The following CACNA1E variants were observed in gnomAD, a reference collection of about 807,000 sequenced individuals.
CACNA1E encodes calcium voltage-gated channel subunit alpha1 E.
A neutral mutation model predicts 259.2 loss-of-function variants in CACNA1E; 40 were observed. The observed-to-expected ratio is 0.15, with a 90% confidence interval of 0.12 to 0.20. The LOEUF (loss-of-function observed/expected upper bound fraction) is 0.20. CACNA1E is among the 10% of genes least tolerant of loss of function. CACNA1E has a pLI of 1.00. For synonymous variants in CACNA1E, 1,104 were observed against 1,138.5 expected (o/e 0.97, Z 0.61); for missense variants, 1,874 against 3,040.1 (o/e 0.62, Z 9.02).
chr1:181,373,376 C>G (rs1354261559), intron 1 of CACNA1E, among the ~76,000 whole-genome samples: 4 of 151,964 alleles, frequency 2.6e-5, no homozygotes, highest in Non-Finnish European at 5.9e-5. Flanking sequence ...TTGTATGTTT[C>G]CAGGAATTCA....
At chr1:181,711,174 A>G in intron 8 of CACNA1E, 105 bp downstream of exon 8, 1 of 762,506 alleles carries the variant, frequency 1.3e-6, no homozygotes, top group East Asian at 2.6e-5. Flanking sequence ...AGACAAGACA[A>G]GAGAGACACT....
chr1:181,579,676 A>C (rs1201345937), intron 5 of CACNA1E, among the ~76,000 whole-genome samples: 1 of 152,174 alleles, frequency 6.6e-6, no homozygotes, highest in East Asian at 1.9e-4. Flanking sequence ...AACCTCTCTG[A>C]ATATCTGAAT....
intron 20 of CACNA1E, 84 bp from the exon 21 acceptor site, chr1:181,733,353 T>G: frequency 8.0e-7 from 1 of 1,242,942 alleles, no homozygotes; most frequent in Non-Finnish European, 1.1e-6. Context: ...TGCCTGAGCT[T>G]CCCCGCCTTC....
intron 45 of CACNA1E, among the ~76,000 whole-genome samples, chr1:181,794,451 A>C (rs1008217999): frequency 6.6e-6 from 1 of 152,134 alleles, no homozygotes; most frequent in African/African-American, 2.4e-5. Flanking sequence ...TTTAAAAAAA[A>C]AAAAGCAAAG....
chr1:181,469,040 C>A (rs918485649), intron 2 of CACNA1E, among the ~76,000 whole-genome samples: 2 of 152,064 alleles, frequency 1.3e-5, no homozygotes, highest in East Asian at 1.9e-4. Context: ...TCAACAACAA[C>A]AAAAAATTTA....
intron 2 of CACNA1E, among the ~76,000 whole-genome samples, chr1:181,452,501 G>A (rs978445992): frequency 6.6e-6 from 1 of 152,160 alleles, no homozygotes; most frequent in African/African-American, 2.4e-5. Context: ...TGGGCTTGCA[G>A]GTGATGGGGA....
At chr1:181,672,634 T>C (rs898840678) in intron 7 of CACNA1E, among the ~76,000 whole-genome samples, 7 of 152,194 alleles carry the variant, frequency 4.6e-5, no homozygotes, top group African/African-American at 1.7e-4. Flanking sequence ...AGGAAGGTCT[T>C]CCTTCAGTCA....
chr1:181,679,075 G>A lies in CACNA1E; in HGVS notation c.1055+27634G>A, dbSNP rs116706591. On this transcript the variant is annotated intron_variant, in intron 7 of 47. Coordinates refer to ENST00000367573, the MANE Select transcript of CACNA1E (RefSeq NM_001205293.3). ...CATGACGCACTTACTGGCACCTAAG[G>A]ATGACAGAGTCCCAGGAGAGAGGTA... Among the ~76,000 whole-genome samples, 393 of 152,302 alleles carry A rather than the reference G, an allele frequency of 2.6e-3. 1 individual carries two copies. Among genetic ancestry groups the A allele is most frequent in the African/African-American group, 8.9e-3 (370 of 41,558 alleles).
Position 181,758,129 on chromosome 1 carries a change from C to T in CACNA1E, c.4494+18C>T, listed in dbSNP as rs903043721. On this transcript the variant is annotated intron_variant, in intron 31 of 47. Coordinates refer to ENST00000367573, the MANE Select transcript of CACNA1E (RefSeq NM_001205293.3). The surrounding 1 kb of genome is among the most constrained non-coding windows in gnomAD (Gnocchi z 4.2). ...TGATGAAGGTGAGAGGAGAGAGGCA[C>T]AAGAGCCGACTGAGCCCCAGCGATG... 6.2e-7 allele frequency: 1 copy of T among 1,609,962 alleles called. No homozygotes were observed. The highest frequency in any genetic ancestry group is 8.5e-7 in the Non-Finnish European group (1 of 1,177,658).
intron 1 of CACNA1E, among the ~76,000 whole-genome samples, chr1:181,371,397 G>A (rs1193461983): frequency 6.6e-6 from 1 of 152,098 alleles, no homozygotes; most frequent in Non-Finnish European, 1.5e-5. Context: ...GAACAGCTGG[G>A]ACTACAGGCA....
chr1:181,399,250 A>G (rs954703696), intron 1 of CACNA1E, among the ~76,000 whole-genome samples: 3 of 140,576 alleles, frequency 2.1e-5, no homozygotes, highest in Non-Finnish European at 3.0e-5. Context: ...AGGTAGAAGG[A>G]AAAAAAAAAA....
In CACNA1E at chr1:181,793,739, G is replaced by C. The variant is rs772249008; in HGVS notation, c.5973G>C (p.Glu1991Asp). Residue 1991 changes from glutamate to aspartate, a missense_variant, in exon 45 of 48, where the codon GAG becomes GAC. Glu to Asp is a conservative substitution (Grantham distance 45). Transcript: ENST00000367573. ...TCTACCTTCCTTCGGACACCCAGGA[G>C]CATGCGGGATCTGGGAGGGCATCTT... ...HGIYLPSDTQEHAGSGRASSM... is the reference protein window; with the variant it reads ...HGIYLPSDTQDHAGSGRASSM... 19 of 1,611,596 alleles carry C rather than the reference G, an allele frequency of 1.2e-5. No individual in the cohort carries two copies. In the Admixed American group the frequency reaches 2.5e-4, roughly 21 times the overall value.
At chr1:181,342,638 T>C (rs1358586288) in intron 1 of CACNA1E, among the ~76,000 whole-genome samples, 1 of 152,140 alleles carries the variant, frequency 6.6e-6, no homozygotes, top group Non-Finnish European at 1.5e-5. Context: ...AAACCCAGAC[T>C]AGAGCTTTTA....
At chr1:181,541,705 T>C (rs1668597737) in intron 3 of CACNA1E, among the ~76,000 whole-genome samples, 1 of 152,196 alleles carries the variant, frequency 6.6e-6, no homozygotes, top group South Asian at 2.1e-4. Flanking sequence ...CAAAGACTCG[T>C]CTTTTTGAGT....
chr1:181,318,666 G>C (rs796560799), intron 1 of CACNA1E, among the ~76,000 whole-genome samples: 1 of 152,214 alleles, frequency 6.6e-6, no homozygotes, highest in African/African-American at 2.4e-5. Context: ...TGGGGAGGGC[G>C]CGCGGGCCAG....
intron 1 of CACNA1E, among the ~76,000 whole-genome samples, chr1:181,387,328 T>A (rs1205732122): frequency 6.6e-6 from 1 of 152,204 alleles, no homozygotes; most frequent in Non-Finnish European, 1.5e-5. Flanking sequence ...GTATTTTCTC[T>A]GGACAGTCAA....
intron 3 of CACNA1E, among the ~76,000 whole-genome samples, chr1:181,523,823 A>G (rs1428997784): frequency 6.6e-6 from 1 of 152,270 alleles, no homozygotes; most frequent in Non-Finnish European, 1.5e-5. Flanking sequence ...CTGTGGCTAA[A>G]GCCTGATTTT....
At chr1:181,509,536 A>G (rs1431133478) in intron 1 of CACNA1E, among the ~76,000 whole-genome samples, 2 of 152,178 alleles carry the variant, frequency 1.3e-5, no homozygotes, top group African/African-American at 2.4e-5. Context: ...GTTTGTCGTA[A>G]CAGTAATCAC....
intron 1 of CACNA1E, among the ~76,000 whole-genome samples, chr1:181,507,488 G>A (rs569700599): frequency 2.6e-5 from 4 of 152,240 alleles, no homozygotes; most frequent in Non-Finnish European, 5.9e-5. Context: ...GGGTGTGGAA[G>A]CAGGGAGCTG....
Sources: gnomAD v4.1 joint callset for allele counts (sites outside exome capture counted in the v4.1 genomes callset) on GRCh38, gnomAD v4.1.1 for gene constraint, Gnocchi (gnomAD v3.1) non-coding constraint, MANE v1.5 for transcripts, NCBI Gene and HGNC (gene_info 2026-07-23, HGNC 2026-07-21) for gene names.